AGO2: variants seen among roughly 807,000 people sequenced by gnomAD.
The protein encoded by AGO2 is argonaute RISC catalytic component 2.
In AGO2, 5 loss-of-function variants were observed where a neutral mutation model predicts 102.3. That is an observed-to-expected ratio of 0.05 (90% CI 0.03 to 0.10). The LOEUF (loss-of-function observed/expected upper bound fraction) is 0.10. Ranked by LOEUF, AGO2 falls within the 10% of genes least tolerant of loss-of-function variation. The pLI is 1.00. For synonymous variants in AGO2, 449 were observed against 473.1 expected, an observed-to-expected ratio of 0.95 and a Z score of 0.66; for missense variants, 541 against 1,183.7, an observed-to-expected ratio of 0.46 and a Z score of 7.97.
At chr8:140,566,026 A>G (rs1306443773) in intron 3 of AGO2, among the ~76,000 whole-genome samples, 1 of 151,260 alleles carries the variant, frequency 6.6e-6, no homozygotes. Flanking sequence ...TAACAGAGAA[A>G]TTGTTTCAAA....
At chr8:140,611,822 C>T (rs539145961) in intron 1 of AGO2, among the ~76,000 whole-genome samples, 1 of 152,168 alleles carries the variant, frequency 6.6e-6, no homozygotes, top group Non-Finnish European at 1.5e-5. Flanking sequence ...AAGAAAATGG[C>T]TGATGGTGTC....
intron 15 of AGO2, 109 bp downstream of exon 15, chr8:140,541,055 C>T (rs915253660): frequency 1.8e-5 from 23 of 1,292,934 alleles, no homozygotes; most frequent in Non-Finnish European, 2.1e-5. Context: ...GCCTTGGGGC[C>T]GAATGAGAGC....
At position 140,553,418 on chromosome 8, in the gene AGO2, T is replaced by G. The variant is rs1165361023; in HGVS notation, c.1270-1982A>C. Reference sequence around the variant, plus strand: ...ACAAGTTTTTTGTTTTTTGTTTTTTTTTTTTTTTGAGACGGAGTTTCGCTC... The same window carrying G: ...ACAAGTTTTTTGTTTTTTGTTTTTTGTTTTTTTTGAGACGGAGTTTCGCTC... On this transcript the variant is annotated intron_variant, in intron 10 of 18. Coordinates refer to ENST00000220592, the MANE Select transcript of AGO2 (RefSeq NM_012154.5). 1.5e-4 allele frequency among the ~76,000 whole-genome samples: 23 copies of G among 150,536 alleles called. 1 individual carries two copies. Among genetic ancestry groups the G allele is most frequent in the Admixed American group, 5.3e-4 (8 of 15,136 alleles).
chr8:140,545,791 GC>G (rs1425307812), intron 13 of AGO2, among the ~76,000 whole-genome samples: 1 of 152,212 alleles, frequency 6.6e-6, no homozygotes, highest in Non-Finnish European at 1.5e-5. Flanking sequence ...CTGTGCCCCT[GC>G]CCTGGCGTGG....
intron 16 of AGO2, among the ~76,000 whole-genome samples, chr8:140,538,456 C>T (rs1029799158): frequency 2.6e-5 from 4 of 152,186 alleles, no homozygotes; most frequent in East Asian, 3.9e-4. Flanking sequence ...ACTAGGAATA[C>T]GGAAAACACT....
At chr8:140,585,928 T>C (rs1432311107) in intron 1 of AGO2, among the ~76,000 whole-genome samples, 1 of 152,234 alleles carries the variant, frequency 6.6e-6, no homozygotes, top group Non-Finnish European at 1.5e-5. Flanking sequence ...GAGCTGTTCT[T>C]ACTGTATTTC....
chr8:140,549,144 C>A lies in AGO2; in HGVS notation c.1558G>T (p.Val520Phe). 6.2e-7 allele frequency: 1 copy of A among 1,611,640 alleles called. No homozygotes were observed. ...NTYAGLQLVV[V>F]ILPGKTPVYA... is the part of the protein sequence containing the mutation. ...ACGGGCGTCTTGCCGGGCAGGATGACCACCACCAGCTGCAGGCCCGCATAC... is the reference window on the plus strand; with the variant it reads ...ACGGGCGTCTTGCCGGGCAGGATGAACACCACCAGCTGCAGGCCCGCATAC... Residue 520 changes from valine (V) to phenylalanine (F), a missense_variant, in exon 12 of 19, where the codon GTC becomes TTC. Physicochemically the swap from Val to Phe is conservative, Grantham distance 50. Transcript: ENST00000220592.
At position 140,532,399 on chromosome 8, in the gene AGO2, C is replaced by A. The variant is rs777340243; in HGVS notation, c.2471+17G>T. 6.3e-6 allele frequency: 10 copies of A among 1,599,520 alleles called. No individual in the cohort carries two copies. Among genetic ancestry groups the A allele is most frequent in the Middle Eastern group, 2.0e-4 (1 of 4,990 alleles). On this transcript the variant is annotated intron_variant, in intron 18 of 18. Transcript: ENST00000220592. The stretch of plus-strand genomic sequence containing the variant: ...AAACCACCCCTGCTGTGACCTCCAG[C>A]CAGGCATGCCACTCACCTGTCATGT...
In AGO2 at chr8:140,532,042, T is replaced by C. The variant is rs765442219; in HGVS notation, c.*2A>G. On this transcript the variant is annotated 3_prime_UTR_variant, in exon 19 of 19. Coordinates refer to ENST00000220592, the MANE Select transcript of AGO2 (RefSeq NM_012154.5). The stretch of plus-strand genomic sequence containing the variant: ...TACACAATCGCTAAACACTAAAACA[T>C]GTCAAGCAAAGTACATGGTGCGCAG... 5 of 1,613,948 alleles carry C rather than the reference T, an allele frequency of 3.1e-6. No homozygotes were observed. The highest frequency in any genetic ancestry group is 4.5e-5 in the East Asian group (2 of 44,862).
At position 140,572,808 on chromosome 8, in the gene AGO2, T is replaced by C. The variant is rs1176844334; in HGVS notation, c.336+4A>G. ...CTCCACCAAGGGCATCCCGGCGAGC[T>C]TACCTTGTCCCTCCCAATCGGAAGG... On this transcript the variant is annotated splice_donor_region_variant and intron_variant, in intron 3 of 18. Coordinates refer to ENST00000220592, the MANE Select transcript of AGO2 (RefSeq NM_012154.5). 2 of 1,609,136 alleles carry C rather than the reference T, an allele frequency of 1.2e-6. No individual in the cohort carries two copies. Among genetic ancestry groups the C allele is most frequent in the East Asian group, 2.2e-5 (1 of 44,842 alleles).
chr8:140,629,091 A>AAACT (rs1211583460), intron 1 of AGO2, among the ~76,000 whole-genome samples: 23 of 152,072 alleles, frequency 1.5e-4, no homozygotes, highest in Admixed American at 2.0e-4. Flanking sequence ...ACTCTGTCTC[A>AAACT]AAATAAATAA....
rs376810372 is a variant in AGO2 at position 140,572,801 on chromosome 8, G to A, written c.336+11C>T. 2.0e-5 allele frequency: 32 copies of A among 1,607,666 alleles called. No homozygotes were observed. The highest frequency in any genetic ancestry group is 4.5e-5 in the South Asian group (4 of 89,360). On this transcript the variant is annotated intron_variant, in intron 3 of 18. Transcript: ENST00000220592. ...TATGTTACTCCACCAAGGGCATCCC[G>A]GCGAGCTTACCTTGTCCCTCCCAAT... is the stretch of plus-strand genomic sequence containing the variant.
At chr8:140,602,499 G>A (rs1444248389) in intron 1 of AGO2, among the ~76,000 whole-genome samples, 1 of 152,182 alleles carries the variant, frequency 6.6e-6, no homozygotes, top group Non-Finnish European at 1.5e-5. Context: ...GTACATCACG[G>A]TGGCGTTAGA....
chr8:140,616,391 C>A (rs2152104371), intron 1 of AGO2, among the ~76,000 whole-genome samples: 1 of 152,334 alleles, frequency 6.6e-6, no homozygotes, highest in East Asian at 1.9e-4. Context: ...ACTTCACTCC[C>A]ACAGTGTAAT....
intron 10 of AGO2, among the ~76,000 whole-genome samples, chr8:140,553,823 C>A (rs1371037630): frequency 6.6e-6 from 1 of 152,154 alleles, no homozygotes; most frequent in African/African-American, 2.4e-5. Context: ...CTCAGTCTCC[C>A]GAGTAGCTGG....
chr8:140,545,554 CG>C (rs2072884336), intron 13 of AGO2, among the ~76,000 whole-genome samples: 4 of 152,288 alleles, frequency 2.6e-5, no homozygotes, highest in African/African-American at 9.6e-5. Flanking sequence ...TGGCTCCCAC[CG>C]TCCACTCATC....
chr8:140,550,262 C>T (rs1392787056), intron 11 of AGO2, among the ~76,000 whole-genome samples: 2 of 152,244 alleles, frequency 1.3e-5, no homozygotes, highest in African/African-American at 4.8e-5. Flanking sequence ...CTTGCTGGAA[C>T]TGTTAAGGGA....
intron 3 of AGO2, among the ~76,000 whole-genome samples, chr8:140,563,770 G>C (rs2073238787): frequency 6.6e-6 from 1 of 152,170 alleles, no homozygotes; most frequent in Non-Finnish European, 1.5e-5. Context: ...ACAAACCCCA[G>C]TGTGCCAGCA....
At chr8:140,630,413 T>G (rs559432148) in intron 1 of AGO2, among the ~76,000 whole-genome samples, 106 of 152,298 alleles carry the variant, frequency 7.0e-4, no homozygotes, top group African/African-American at 2.5e-3. Flanking sequence ...GCCTGGCGAT[T>G]TGGTCACAAC....
Sources: allele counts gnomAD v4.1 joint callset (sites outside exome capture counted in the v4.1 genomes callset), GRCh38; gene constraint gnomAD v4.1.1; transcripts MANE v1.5; gene names NCBI Gene and HGNC (gene_info 2026-07-23, HGNC 2026-07-21).